Variants in BMAL2 observed in about 807,000 individuals in gnomAD.
BMAL2 encodes basic helix-loop-helix ARNT like 2, also known as basic helix-loop-helix ARNT-like protein 2.
chr12:27,342,317 C>G, the BMAL2 span, among the ~76,000 whole-genome samples: 2 of 152,208 alleles, frequency 1.3e-5, no homozygotes, highest in African/African-American at 4.8e-5. Context: ...CTCTATATAT[C>G]AAAATACATT....
the BMAL2 span, among the ~76,000 whole-genome samples, chr12:27,355,627 C>T: frequency 6.6e-6 from 1 of 152,190 alleles, no homozygotes; most frequent in African/African-American, 2.4e-5. Flanking sequence ...AGTTGCTGGC[C>T]TTGGGCAACC....
At chr12:27,379,789 A>G in the BMAL2 span, among the ~76,000 whole-genome samples, 1 of 152,122 alleles carries the variant, frequency 6.6e-6, no homozygotes, top group Non-Finnish European at 1.5e-5. Flanking sequence ...ACAAAAAACA[A>G]CTAGAATTAG....
the BMAL2 span, among the ~76,000 whole-genome samples, chr12:27,392,077 G>A: frequency 2.0e-5 from 3 of 152,126 alleles, no homozygotes; most frequent in Non-Finnish European, 4.4e-5. Flanking sequence ...ATATTCACAG[G>A]ACTCTGTGGT....
the BMAL2 span, among the ~76,000 whole-genome samples, chr12:27,335,067 G>A: frequency 1.3e-5 from 2 of 152,162 alleles, no homozygotes; most frequent in Non-Finnish European, 2.9e-5. Context: ...AAAATAGAAC[G>A]CTCAACGAAA....
the BMAL2 span, among the ~76,000 whole-genome samples, chr12:27,417,299 A>C: frequency 6.6e-6 from 1 of 152,234 alleles, no homozygotes; most frequent in African/African-American, 2.4e-5. Context: ...TTCCCACTCC[A>C]AAGCAATATT....
At chr12:27,340,899 C>T in the BMAL2 span, among the ~76,000 whole-genome samples, 10 of 152,080 alleles carry the variant, frequency 6.6e-5, no homozygotes, top group African/African-American at 2.4e-4. Flanking sequence ...CCTGATTTGG[C>T]TCTCAGCTTG....
the BMAL2 span, chr12:27,370,128 G>T: frequency 6.2e-7 from 1 of 1,612,280 alleles, no homozygotes; most frequent in Non-Finnish European, 8.5e-7. Context: ...CTTCCTTCCA[G>T]GTCAGGAATC....
chr12:27,411,251 C>T, the BMAL2 span, among the ~76,000 whole-genome samples: 1 of 152,022 alleles, frequency 6.6e-6, no homozygotes, highest in Non-Finnish European at 1.5e-5. Flanking sequence ...CCTCAGCCTC[C>T]CAGGCAGCTG....
At chr12:27,395,714 T>C in the BMAL2 span, among the ~76,000 whole-genome samples, 2 of 152,222 alleles carry the variant, frequency 1.3e-5, no homozygotes, top group African/African-American at 4.8e-5. Context: ...GATAATCTTA[T>C]TGGGAAAATA....
At chr12:27,395,881 G>A in the BMAL2 span, among the ~76,000 whole-genome samples, 1 of 152,216 alleles carries the variant, frequency 6.6e-6, no homozygotes, top group Admixed American at 6.5e-5. Context: ...GTAGGACAGA[G>A]TAGAAAGGGC....
At chr12:27,353,415 A>C in the BMAL2 span, among the ~76,000 whole-genome samples, 3 of 152,236 alleles carry the variant, frequency 2.0e-5, no homozygotes, top group Non-Finnish European at 4.4e-5. Context: ...CACCATATAC[A>C]AAAATCAACT....
the BMAL2 span, among the ~76,000 whole-genome samples, chr12:27,360,458 T>C: frequency 3.7e-3 from 564 of 152,270 alleles, 4 homozygotes; most frequent in African/African-American, 0.013. Context: ...AAGAATGACA[T>C]TATCATTTGG....
At chr12:27,364,167 T>C in the BMAL2 span, among the ~76,000 whole-genome samples, 8,369 of 152,252 alleles carry the variant, frequency 0.055, 768 homozygotes, top group African/African-American at 0.19. Flanking sequence ...ATCCTGTCTA[T>C]GAGGGTGGAG....
chr12:27,412,902 T>A, the BMAL2 span, among the ~76,000 whole-genome samples: 1 of 151,816 alleles, frequency 6.6e-6, no homozygotes, highest in South Asian at 2.1e-4. Flanking sequence ...AAGCAACTTG[T>A]CACATGTAAA....
At chr12:27,403,409 A>G in the BMAL2 span, 149 of 1,397,234 alleles carry the variant, frequency 1.1e-4, no homozygotes, top group Non-Finnish European at 7.2e-5. Flanking sequence ...CCTCAACTGA[A>G]TTTCTCCTTT....
At chr12:27,354,683 A>G in the BMAL2 span, among the ~76,000 whole-genome samples, 10 of 152,246 alleles carry the variant, frequency 6.6e-5, no homozygotes, top group African/African-American at 2.4e-4. Flanking sequence ...TATATGAAAC[A>G]TAAGTGACTT....
chr12:27,347,540 C>T, the BMAL2 span, among the ~76,000 whole-genome samples: 3 of 152,116 alleles, frequency 2.0e-5, no homozygotes, highest in Non-Finnish European at 4.4e-5. Flanking sequence ...AATTGATCTG[C>T]AGGACATTGT....
chr12:27,332,924 TGCGGTGGCGGCCGCCGCGGCACCCGGCA>T, the BMAL2 span: 1 of 397,418 alleles, frequency 2.5e-6, no homozygotes, highest in Non-Finnish European at 3.7e-6. Flanking sequence ...GCCTACGGGC[TGCGGTGGCGGCCGCCGCGGCACCCGGCA>T]GGGCCCGCCA....
At chr12:27,343,838 A>G in the BMAL2 span, among the ~76,000 whole-genome samples, 6 of 152,196 alleles carry the variant, frequency 3.9e-5, no homozygotes, top group Admixed American at 3.3e-4. Context: ...TTCAGTGCTT[A>G]TATCACTCTG....
Sources: allele counts gnomAD v4.1 joint callset (sites outside exome capture counted in the v4.1 genomes callset), GRCh38; gene constraint gnomAD v4.1.1; transcripts MANE v1.5; gene names NCBI Gene and HGNC (gene_info 2026-07-23, HGNC 2026-07-21).